Variants in HORMAD2 observed in about 807,000 individuals in gnomAD.
HORMAD2 encodes HORMA domain-containing protein 2.
In HORMAD2, 45 loss-of-function variants were observed where a neutral mutation model predicts 38.8. The ratio of observed to expected loss-of-function variants is 1.16; its 90% confidence interval spans 0.91 to 1.49. The LOEUF (loss-of-function observed/expected upper bound fraction) is 1.49, where lower values mean the gene tolerates loss of function less well. Among genes scored for constraint, HORMAD2 ranks in the 40% most tolerant of loss-of-function variants. HORMAD2 has a pLI of 0.00. For synonymous variants in HORMAD2, 126 were observed against 122.8 expected (o/e 1.03, Z -0.17); for missense variants, 338 against 367.0 (o/e 0.92, Z 0.65).
intron 8 of HORMAD2, among the ~76,000 whole-genome samples, chr22:30,120,859 G>A (rs1922375557): frequency 6.6e-6 from 1 of 152,190 alleles, no homozygotes; most frequent in Admixed American, 6.6e-5. Flanking sequence ...TACAAGCAAA[G>A]TGAACAGCAT....
In HORMAD2 at chr22:30,176,390, A is replaced by G. The variant is rs1237864181; in HGVS notation, c.*223A>G. On this transcript the variant is annotated 3_prime_UTR_variant, in exon 11 of 11. Transcript: ENST00000336726. The stretch of plus-strand genomic sequence containing the variant: ...GTCAATAGGGCTGCCTCTGGATAGC[A>G]TTACTTCAAAGCTGGGTTAGAGATG... 4.5e-6 allele frequency: 2 copies of G among 447,444 alleles called. No homozygotes were observed. The highest frequency in any genetic ancestry group is 3.6e-5 in the South Asian group (1 of 27,444). 27.7% of individuals were successfully genotyped at this position (447,444 alleles called of 1,614,324 possible).
intron 10 of HORMAD2, among the ~76,000 whole-genome samples, chr22:30,129,557 A>T (rs1036170654): frequency 6.6e-6 from 1 of 152,192 alleles, no homozygotes; most frequent in Non-Finnish European, 1.5e-5. Context: ...CCAAGACTCC[A>T]TACATAGTGA....
At chr22:30,143,762 T>G (rs764704249) in intron 10 of HORMAD2, among the ~76,000 whole-genome samples, 1 of 152,140 alleles carries the variant, frequency 6.6e-6, no homozygotes, top group Non-Finnish European at 1.5e-5. Context: ...CATGTTGAAA[T>G]GTAACTGGAG....
At chr22:30,090,711 A>G (rs1233259404) in intron 1 of HORMAD2, among the ~76,000 whole-genome samples, 2 of 152,184 alleles carry the variant, frequency 1.3e-5, no homozygotes, top group South Asian at 4.1e-4. Context: ...ACTATTTTCC[A>G]TTTTTGAATA....
intron 2 of HORMAD2, among the ~76,000 whole-genome samples, chr22:30,096,942 C>G (rs1222357449): frequency 6.6e-6 from 1 of 151,942 alleles, no homozygotes; most frequent in African/African-American, 2.4e-5. Context: ...GGATATGAGT[C>G]CTTTGTAAGA....
chr22:30,188,308 T>A, the HORMAD2 span, among the ~76,000 whole-genome samples: 142 of 152,296 alleles, frequency 9.3e-4, no homozygotes, highest in Non-Finnish European at 1.9e-3. Context: ...TTTTTCCTCC[T>A]TGTTAATTGA....
the HORMAD2 span, among the ~76,000 whole-genome samples, chr22:30,196,233 C>G: frequency 6.6e-6 from 1 of 152,160 alleles, no homozygotes; most frequent in Non-Finnish European, 1.5e-5. Flanking sequence ...AACCTATAAC[C>G]CCTGGTTTCA....
intron 10 of HORMAD2, among the ~76,000 whole-genome samples, chr22:30,175,658 C>CTT (rs1569123467): frequency 6.6e-6 from 1 of 152,038 alleles, no homozygotes; most frequent in Non-Finnish European, 1.5e-5. Flanking sequence ...CGATAGAAAA[C>CTT]ACAAGGCAGT....
intron 10 of HORMAD2, among the ~76,000 whole-genome samples, chr22:30,140,415 G>A (rs1485183590): frequency 6.6e-6 from 1 of 152,000 alleles, no homozygotes; most frequent in Admixed American, 6.6e-5. Context: ...TCTGTGACTG[G>A]GCTTTTCTTT....
At chr22:30,186,814 G>T in the HORMAD2 span, among the ~76,000 whole-genome samples, 1 of 151,658 alleles carries the variant, frequency 6.6e-6, no homozygotes, top group Non-Finnish European at 1.5e-5. Context: ...TTTCAGTTCT[G>T]TGAACGTCAT....
At chr22:30,196,721 A>G in the HORMAD2 span, among the ~76,000 whole-genome samples, 1 of 151,662 alleles carries the variant, frequency 6.6e-6, no homozygotes, top group Non-Finnish European at 1.5e-5. Context: ...TCTTAAGGAA[A>G]CTCCACTGGA....
rs141318998 is a variant in HORMAD2, at chr22:30,132,443, C to T, written c.819+10229C>T. On this transcript the variant is annotated intron_variant, in intron 10 of 10. Coordinates refer to ENST00000336726, the MANE Select transcript of HORMAD2 (RefSeq NM_152510.4). ...CTAAAAATACAAGAATTAGCCAGCA[C>T]GAGAATCGTTTGAACCTGGGAGGCA... Among the ~76,000 whole-genome samples the T allele has an allele frequency of 3.3e-5, 5 of 151,292 alleles. No homozygotes were observed. The East Asian group carries it at 5.8e-4, about 18-fold the overall frequency.
chr22:30,185,157 T>C, the HORMAD2 span, among the ~76,000 whole-genome samples: 1 of 152,170 alleles, frequency 6.6e-6, no homozygotes, highest in African/African-American at 2.4e-5. Flanking sequence ...CTGGGATAGT[T>C]TGGAGGAGGA....
intron 7 of HORMAD2, among the ~76,000 whole-genome samples, chr22:30,112,824 A>G (rs936383334): frequency 1.3e-5 from 2 of 152,096 alleles, no homozygotes; most frequent in Non-Finnish European, 2.9e-5. Context: ...TTTCTTAAAA[A>G]TTTTTTAAAT....
intron 10 of HORMAD2, among the ~76,000 whole-genome samples, chr22:30,141,204 G>A (rs1242388508): frequency 2.0e-5 from 3 of 151,692 alleles, no homozygotes; most frequent in Non-Finnish European, 4.4e-5. Context: ...CACCATGTTG[G>A]CCAGGCTTGT....
chr22:30,185,083 A>G, the HORMAD2 span, among the ~76,000 whole-genome samples: 1 of 152,234 alleles, frequency 6.6e-6, no homozygotes, highest in Non-Finnish European at 1.5e-5. Context: ...AGGAGATAGA[A>G]GCAGTGGGTT....
At chr22:30,094,077 G>A (rs1009498515) in intron 2 of HORMAD2, 74 bp downstream of exon 2, 3 of 1,080,268 alleles carry the variant, frequency 2.8e-6, no homozygotes, top group African/African-American at 3.2e-5. Flanking sequence ...TTAATCTTTT[G>A]TGTGTGTGTT....
chr22:30,181,805 C>T (rs539994632), downstream of HORMAD2, among the ~76,000 whole-genome samples: 139 of 152,322 alleles, frequency 9.1e-4, 1 homozygote, highest in Non-Finnish European at 8.1e-4. Flanking sequence ...TTGCCTGGCA[C>T]ATGGAAGGCA....
chr22:30,170,458 C>A (rs558726201), intron 10 of HORMAD2, among the ~76,000 whole-genome samples: 3 of 152,220 alleles, frequency 2.0e-5, no homozygotes, highest in African/African-American at 7.2e-5. Flanking sequence ...ACTTGGAGAC[C>A]ACTTGGTAAA....
Sources: allele counts gnomAD v4.1 joint callset (sites outside exome capture counted in the v4.1 genomes callset), GRCh38; gene constraint gnomAD v4.1.1; transcripts MANE v1.5; gene names NCBI Gene and HGNC (gene_info 2026-07-23, HGNC 2026-07-21).